Variants in DCDC2C observed in about 807,000 individuals in gnomAD.
DCDC2C encodes doublecortin domain-containing protein 2C.
DCDC2C carries 44 observed loss-of-function variants against 45.0 expected under a neutral mutation model. The observed-to-expected ratio is 0.98, with a 90% CI of 0.77 to 1.26. DCDC2C has a LOEUF of 1.26. Ranked by LOEUF, DCDC2C falls within the 50% of genes most tolerant of loss-of-function variation. The probability of loss-of-function intolerance (pLI) is 0.00; values close to 1 mark genes in which losing one functional copy is unlikely to be tolerated. For synonymous variants in DCDC2C, 187 were observed against 178.8 expected (o/e 1.05, Z -0.37); for missense variants, 447 against 468.9 (o/e 0.95, Z 0.43).
At chr2:3,836,326 A>G (rs1025992641) in intron 10 of DCDC2C, among the ~76,000 whole-genome samples, 6 of 152,190 alleles carry the variant, frequency 3.9e-5, no homozygotes. Flanking sequence ...AAGGCCATGA[A>G]AAATAAGGGA....
chr2:3,719,798 C>A (rs1668444085), intron 2 of DCDC2C, among the ~76,000 whole-genome samples: 1 of 152,186 alleles, frequency 6.6e-6, no homozygotes, highest in Admixed American at 6.5e-5. Context: ...AAACTATAGA[C>A]AGTAGTGGAT....
At chr2:3,842,807 T>C (rs1672247803) in intron 10 of DCDC2C, among the ~76,000 whole-genome samples, 1 of 152,066 alleles carries the variant, frequency 6.6e-6, no homozygotes, top group African/African-American at 2.4e-5. Flanking sequence ...CAACACATGG[T>C]CTCTGAGTTT....
intron 6 of DCDC2C, among the ~76,000 whole-genome samples, chr2:3,758,760 C>T (rs183240396): frequency 8.9e-4 from 136 of 152,314 alleles, no homozygotes; most frequent in African/African-American, 3.0e-3. Flanking sequence ...CTGTGTTCAG[C>T]GGAAGGTTCG....
intron 10 of DCDC2C, among the ~76,000 whole-genome samples, chr2:3,802,210 G>C (rs1671131535): frequency 3.3e-5 from 5 of 152,194 alleles, no homozygotes; most frequent in African/African-American, 9.7e-5. Context: ...TCTATCTTTA[G>C]CCAATCCTGG....
At chr2:3,841,330 G>C (rs1192015530) in intron 10 of DCDC2C, among the ~76,000 whole-genome samples, 4 of 149,572 alleles carry the variant, frequency 2.7e-5, no homozygotes, top group Middle Eastern at 7.0e-3. Flanking sequence ...GATTTAAAAG[G>C]CAAGGTGAAC....
At chr2:3,739,724 AGTT>A (rs894295160) in intron 3 of DCDC2C, among the ~76,000 whole-genome samples, 3 of 152,206 alleles carry the variant, frequency 2.0e-5, no homozygotes, top group Admixed American at 1.3e-4. Flanking sequence ...CATGTGATCC[AGTT>A]GTTCTGGTAC....
At chr2:3,731,928 A>G (rs1397665606) in intron 3 of DCDC2C, among the ~76,000 whole-genome samples, 2 of 152,116 alleles carry the variant, frequency 1.3e-5, no homozygotes, top group Admixed American at 1.3e-4. Context: ...TCAGGACCAT[A>G]TGTATGAGTA....
At chr2:3,704,769 G>A (rs1273475128) in intron 1 of DCDC2C, among the ~76,000 whole-genome samples, 1 of 150,498 alleles carries the variant, frequency 6.6e-6, no homozygotes, top group African/African-American at 2.5e-5. Context: ...GGGGCGGGTT[G>A]GGCAGTTCCC....
At chr2:3,749,250 T>G (rs1186432085) in intron 4 of DCDC2C, among the ~76,000 whole-genome samples, 1 of 152,250 alleles carries the variant, frequency 6.6e-6, no homozygotes, top group East Asian at 1.9e-4. Context: ...TTGCATTTAG[T>G]GCTCACATTT....
chr2:3,793,554 G>T (rs1670879838), intron 10 of DCDC2C, among the ~76,000 whole-genome samples: 1 of 152,230 alleles, frequency 6.6e-6, no homozygotes, highest in South Asian at 2.1e-4. Flanking sequence ...AACACCACTG[G>T]AAATTATTCC....
intron 3 of DCDC2C, among the ~76,000 whole-genome samples, chr2:3,738,650 A>T (rs950087183): frequency 4.8e-5 from 7 of 147,096 alleles, no homozygotes; most frequent in African/African-American, 7.5e-5. Context: ...TCTTTCTAGG[A>T]TGGGCCATGC....
intron 1 of DCDC2C, 76 bp downstream of exon 1, chr2:3,704,114 C>CT (rs1667962089): frequency 3.4e-6 from 4 of 1,166,656 alleles, no homozygotes; most frequent in Non-Finnish European, 3.2e-6. Flanking sequence ...CAGGGCCGTG[C>CT]CCCCCAGGTG....
chr2:3,741,820 C>T (rs781631363), intron 3 of DCDC2C, 100 bp from the exon 4 acceptor site: 3 of 1,286,828 alleles, frequency 2.3e-6, no homozygotes, highest in Non-Finnish European at 3.2e-6. Context: ...TAGTGCATCT[C>T]ATTGTTTTTA....
Position 3,830,992 on chromosome 2 carries a change from A to G in DCDC2C, c.1066-16162A>G, listed in dbSNP as rs115865116. 9.1e-3 allele frequency among the ~76,000 whole-genome samples: 1,380 copies of G among 152,224 alleles called. 19 individuals carry two copies. The highest frequency in any genetic ancestry group is 0.032 in the African/African-American group (1,325 of 41,526). On this transcript the variant is annotated intron_variant, in intron 10 of 10. Transcript: ENST00000399143. ...GGGTGGATAATTTCAGCCTGATAAA[A>G]TGATCTTTTGAGTTTTGTAAAATTG... is the stretch of plus-strand genomic sequence containing the variant.
In DCDC2C at chr2:3,712,970, T is replaced by C. The variant is rs1668254351; in HGVS notation, c.339+4370T>C. 2.0e-5 allele frequency among the ~76,000 whole-genome samples: 3 copies of C among 152,094 alleles called. No individual in the cohort carries two copies. In the South Asian group the frequency reaches 6.2e-4, roughly 32 times the overall value. ...TGCAAAAATGGAAAAATAGCAACCA[T>C]GTGAGTGAGGCAGAGCAGGCCTTAA... On this transcript the variant is annotated intron_variant, in intron 2 of 10. Coordinates refer to ENST00000399143, the MANE Select transcript of DCDC2C (RefSeq NM_001287444.2).
At position 3,784,449 on chromosome 2, in the gene DCDC2C, G is replaced by A. The variant is rs888812735; in HGVS notation, c.1024-610G>A. On this transcript the variant is annotated intron_variant, in intron 9 of 10. Coordinates refer to ENST00000399143, the MANE Select transcript of DCDC2C (RefSeq NM_001287444.2). ...TATTAATTAACAACTATTAATATTT[G>A]TTATATTAAGATTCAATAAAGAGAG... 4.0e-5 allele frequency among the ~76,000 whole-genome samples: 6 copies of A among 151,898 alleles called. No homozygotes were observed. In the East Asian group the frequency reaches 5.8e-4, roughly 15 times the overall value.
chr2:3,815,880 CA>C (rs1468725159), intron 10 of DCDC2C, among the ~76,000 whole-genome samples: 1 of 152,198 alleles, frequency 6.6e-6, no homozygotes, highest in African/African-American at 2.4e-5. Context: ...TGGATGTATA[CA>C]TGCAGGTCAC....
chr2:3,719,148 C>T (rs371246934), intron 2 of DCDC2C, among the ~76,000 whole-genome samples: 21 of 151,954 alleles, frequency 1.4e-4, no homozygotes, highest in African/African-American at 4.3e-4. Context: ...TCCAGTGGTG[C>T]GATCTTGGCT....
intron 2 of DCDC2C, among the ~76,000 whole-genome samples, chr2:3,724,708 A>G (rs921630312): frequency 1.3e-5 from 2 of 152,138 alleles, no homozygotes; most frequent in African/African-American, 4.8e-5. Flanking sequence ...GTCGAGAAGC[A>G]GGGCCCCAGG....
Sources: allele counts gnomAD v4.1 joint callset (sites outside exome capture counted in the v4.1 genomes callset), GRCh38; gene constraint gnomAD v4.1.1; transcripts MANE v1.5; gene names NCBI Gene and HGNC (gene_info 2026-07-23, HGNC 2026-07-21).